Variants in PEAK1 observed in about 807,000 individuals in gnomAD.
PEAK1 encodes the protein pseudopodium enriched atypical kinase 1.
In PEAK1, 54 loss-of-function variants were observed where a neutral mutation model predicts 124.7. The ratio of observed to expected loss-of-function variants is 0.43; its 90% CI spans 0.35 to 0.54. PEAK1 has a LOEUF of 0.54. Among genes scored for constraint, PEAK1 ranks in the 20% least tolerant of loss-of-function variants. The pLI, the probability that PEAK1 is intolerant of heterozygous loss-of-function variation, is 0.01. For synonymous variants in PEAK1, 719 were observed against 760.0 expected (o/e 0.95, Z 0.89); for missense variants, 2,046 against 2,134.5 (o/e 0.96, Z 0.82).
chr15:77,134,397 G>A (rs151033573), intron 8 of PEAK1, among the ~76,000 whole-genome samples: 2 of 152,320 alleles, frequency 1.3e-5, no homozygotes, highest in African/African-American at 4.8e-5. Context: ...TCCTGTGATT[G>A]TGGTAAGGGG....
intron 1 of PEAK1, among the ~76,000 whole-genome samples, chr15:77,389,469 T>C (rs1029953434): frequency 4.6e-5 from 7 of 152,180 alleles, no homozygotes; most frequent in Admixed American, 6.5e-5. Context: ...CCATCTCTCA[T>C]GGAGGGATGT....
chr15:77,266,962 G>GGGC (rs1567189189), intron 5 of PEAK1, among the ~76,000 whole-genome samples: 2 of 150,194 alleles, frequency 1.3e-5, no homozygotes, highest in East Asian at 3.9e-4. Context: ...TGGTTGCCTG[G>GGGC]AAATCAGCTC....
intron 7 of PEAK1, among the ~76,000 whole-genome samples, chr15:77,166,651 C>G (rs1421755834): frequency 6.6e-6 from 1 of 152,192 alleles, no homozygotes; most frequent in Non-Finnish European, 1.5e-5. Context: ...GAAATTATAG[C>G]CCAGAGAGAT....
chr15:77,377,784 C>CTTA (rs2069148204), intron 1 of PEAK1, among the ~76,000 whole-genome samples: 1 of 152,120 alleles, frequency 6.6e-6, no homozygotes, highest in Non-Finnish European at 1.5e-5. Context: ...ATGTTATACT[C>CTTA]TTATGTGGTC....
intron 6 of PEAK1, among the ~76,000 whole-genome samples, chr15:77,195,678 G>A (rs1386873803): frequency 2.0e-5 from 3 of 152,108 alleles, no homozygotes; most frequent in Non-Finnish European, 2.9e-5. Context: ...AAACCATTCA[G>A]TTAAAAGGAT....
chr15:77,368,939 C>T lies in PEAK1; in HGVS notation c.-665-3714G>A, dbSNP rs150972938. Reference sequence around the variant, plus strand: ...AATCTAATCCAGAACTGATTTTAAACCAGTGATCACTGAAATTAAATCACT... The same window carrying T: ...AATCTAATCCAGAACTGATTTTAAATCAGTGATCACTGAAATTAAATCACT... On this transcript the variant is annotated intron_variant, in intron 1 of 9. Transcript: ENST00000682557. Among the ~76,000 whole-genome samples, 458 of 152,244 alleles carry T rather than the reference C, an allele frequency of 3.0e-3. 1 individual carries two copies. The highest frequency in any genetic ancestry group is 6.8e-3 in the Middle Eastern group (2 of 294).
At chr15:77,310,979 A>T (rs1329184621) in intron 2 of PEAK1, among the ~76,000 whole-genome samples, 1 of 152,234 alleles carries the variant, frequency 6.6e-6, no homozygotes, top group Non-Finnish European at 1.5e-5. Flanking sequence ...TTTACAGCCT[A>T]AGATCATTAG....
At chr15:77,371,741 A>G (rs1464437347) in intron 1 of PEAK1, among the ~76,000 whole-genome samples, 1 of 152,210 alleles carries the variant, frequency 6.6e-6, no homozygotes, top group Non-Finnish European at 1.5e-5. Context: ...TACAAAAATT[A>G]GCTAGGTGCA....
At chr15:77,136,979 C>T (rs2053388867) in intron 8 of PEAK1, among the ~76,000 whole-genome samples, 1 of 152,226 alleles carries the variant, frequency 6.6e-6, no homozygotes, top group Non-Finnish European at 1.5e-5. Flanking sequence ...ACTTGGTGCC[C>T]TGTATCTTAA....
intron 2 of PEAK1, among the ~76,000 whole-genome samples, chr15:77,339,136 G>A (rs2066381182): frequency 6.7e-6 from 1 of 148,168 alleles, no homozygotes; most frequent in Non-Finnish European, 1.5e-5. Flanking sequence ...TTTTTTAAAC[G>A]GTCTCATTAT....
At chr15:77,182,749 C>CAATAAAAAAAAAAAAAAAAAAA (rs71447145) in intron 6 of PEAK1, among the ~76,000 whole-genome samples, 1 of 65,144 alleles carries the variant, frequency 1.5e-5, no homozygotes, top group African/African-American at 6.2e-5. Context: ...GACCTTGTCT[C>CAATAAAAAAAAAAAAAAAAAAA]AAAAAAAAAA....
In PEAK1 at chr15:77,179,408, G is replaced by C. The variant is rs781517828; in HGVS notation, c.2519C>G (p.Thr840Ser). The change falls in exon 7 of 10, where the codon ACC (threonine) becomes AGC (serine). Residue 840 changes from threonine (T) to serine (S), a missense_variant. By Grantham distance (58) the Thr-to-Ser change is moderately conservative. Transcript: ENST00000682557. ...TATGGATGGGTCTTTCTGTACTTTG[G>C]TGGTAGGACTGTCTGTGGTCTGAGG... is the stretch of plus-strand genomic sequence containing the variant. ...EAPQTTDSPT[T>S]KVQKDPSIKP... is the part of the protein sequence containing the mutation. 21 of 1,614,130 alleles carry C rather than the reference G, an allele frequency of 1.3e-5. No homozygotes were observed. The highest frequency in any genetic ancestry group is 1.7e-5 in the Non-Finnish European group (20 of 1,180,014).
At chr15:77,248,685 A>G (rs2060703805) in intron 6 of PEAK1, among the ~76,000 whole-genome samples, 1 of 152,206 alleles carries the variant, frequency 6.6e-6, no homozygotes, top group African/African-American at 2.4e-5. Flanking sequence ...AACCATGAGA[A>G]ATAAATTTCT....
chr15:77,419,590 G>C (rs976880924), intron 1 of PEAK1: 1 of 985,112 alleles, frequency 1.0e-6, no homozygotes, highest in South Asian at 4.7e-5. Flanking sequence ...AGGAGCCAGA[G>C]AAGCCCCTCC....
chr15:77,419,942 GT>G (rs2073246352), intron 1 of PEAK1, 63 bp downstream of exon 1: 1 of 149,264 alleles, frequency 6.7e-6, no homozygotes, highest in Non-Finnish European at 1.5e-5. Context: ...GGCAACCCTG[GT>G]CCCACAGACG....
At chr15:77,333,199 G>A (rs961226418) in intron 2 of PEAK1, 8 of 914,742 alleles carry the variant, frequency 8.7e-6, no homozygotes, top group Non-Finnish European at 1.0e-5. Context: ...TGCTCAGGCT[G>A]GTCTTGAACT....
intron 1 of PEAK1, among the ~76,000 whole-genome samples, chr15:77,400,937 GATAA>G (rs1479589913): frequency 1.6e-4 from 24 of 152,150 alleles, no homozygotes; most frequent in East Asian, 5.8e-4. Context: ...TCTAAAATGA[GATAA>G]ATAATCAAGA....
At chr15:77,343,410 G>A (rs1329996874) in intron 2 of PEAK1, among the ~76,000 whole-genome samples, 1 of 151,200 alleles carries the variant, frequency 6.6e-6, no homozygotes, top group East Asian at 1.9e-4. Flanking sequence ...ATTCTTCATA[G>A]GTTGTCTTTT....
Position 77,114,277 on chromosome 15 carries a change from G to A in PEAK1, c.5120C>T (p.Ala1707Val), listed in dbSNP as rs758375500. The part of the protein sequence containing the change: ...IKRTLLMIKF[A>V]EKSLDREGGI... ...ACCTTCCCTGTCCAGGGACTTCTCAGCAAACTTGATCATGAGCAGTGTTCG... is the reference window on the plus strand; with the variant it reads ...ACCTTCCCTGTCCAGGGACTTCTCAACAAACTTGATCATGAGCAGTGTTCG... The change falls in exon 10 of 10, where the codon GCT becomes GTT. Residue 1707 changes from alanine (A) to valine (V), a missense_variant. Transcript: ENST00000682557. 6.2e-7 allele frequency: 1 copy of A among 1,614,244 alleles called. No homozygotes were observed. Among genetic ancestry groups the A allele is most frequent in the Non-Finnish European group, 8.5e-7 (1 of 1,180,036 alleles).
Sources: gnomAD v4.1 joint callset for allele counts (sites outside exome capture counted in the v4.1 genomes callset) on GRCh38, gnomAD v4.1.1 for gene constraint, MANE v1.5 for transcripts, NCBI Gene and HGNC (gene_info 2026-07-23, HGNC 2026-07-21) for gene names.